The following UBAP1 variants were observed in gnomAD, a reference collection of about 807,000 sequenced individuals.
UBAP1 encodes ubiquitin-associated protein 1.
In UBAP1, 5 loss-of-function variants were observed where a neutral mutation model predicts 39.0. The ratio of observed to expected loss-of-function variants is 0.13; its 90% CI spans 0.07 to 0.27. The LOEUF is 0.27. UBAP1 is among the 10% of genes least tolerant of loss of function. UBAP1 has a pLI of 1.00. For missense variants in UBAP1, 490 were observed against 608.1 expected (o/e 0.81, Z 2.04); for synonymous variants, 211 against 225.1 (o/e 0.94, Z 0.56).
intron 2 of UBAP1, among the ~76,000 whole-genome samples, chr9:34,229,383 G>A (rs1347606142): frequency 2.6e-5 from 4 of 151,430 alleles, no homozygotes; most frequent in African/African-American, 4.9e-5. Context: ...TCAGCCTCCC[G>A]AGTAGCTGGG....
rs1484569883 is a variant in UBAP1 at position 34,249,970 on chromosome 9, T to C, written c.1266+9T>C. 1 of 1,613,432 alleles carries C rather than the reference T, an allele frequency of 6.2e-7. No individual in the cohort carries two copies. Among genetic ancestry groups the C allele is most frequent in the South Asian group, 1.1e-5 (1 of 91,026 alleles). ...GAGAGAATATTGAGCAGGTGAGCGG[T>C]TGGTCAGCCAGGAGGGCAGGCTCAG... On this transcript the variant is annotated intron_variant, in intron 5 of 6. Transcript: ENST00000297661.
chr9:34,180,436 AG>A (rs1019712178), intron 1 of UBAP1, among the ~76,000 whole-genome samples: 2 of 151,712 alleles, frequency 1.3e-5, no homozygotes, highest in African/African-American at 4.8e-5. Context: ...TGAACCTGGG[AG>A]GCGGAGGTAG....
intron 4 of UBAP1, among the ~76,000 whole-genome samples, chr9:34,243,312 A>G (rs1448629888): frequency 6.6e-6 from 1 of 152,192 alleles, no homozygotes; most frequent in Non-Finnish European, 1.5e-5. Flanking sequence ...ATAAACTAAC[A>G]GCAGAGATCT....
Position 34,241,887 on chromosome 9 carries a change from C to T in UBAP1, c.862C>T (p.His288Tyr). ...QKTAKLASTF[H>Y]STSCLRNGTF... is the part of the protein sequence containing the mutation. ...GACAGCCAAGCTGGCGAGCACTTTC[C>T]ATAGCACATCCTGCCTCCGCAATGG... is the stretch of plus-strand genomic sequence containing the variant. Residue 288 changes from histidine (H) to tyrosine (Y), a missense_variant, in exon 4 of 7, where the codon CAT becomes TAT. Physicochemically the swap from His to Tyr is moderately conservative, Grantham distance 83 (BLOSUM62 2). Coordinates refer to ENST00000297661, the MANE Select transcript of UBAP1 (RefSeq NM_016525.5). The T allele has an allele frequency of 6.2e-7, 1 of 1,614,182 alleles. No individual in the cohort carries two copies. The highest frequency in any genetic ancestry group is 8.5e-7 in the Non-Finnish European group (1 of 1,180,040).
At chr9:34,240,255 C>T (rs1249195735) in intron 3 of UBAP1, among the ~76,000 whole-genome samples, 1 of 152,110 alleles carries the variant, frequency 6.6e-6, no homozygotes, top group Non-Finnish European at 1.5e-5. Context: ...TTGTCATGTG[C>T]CTTTCTAGGC....
chr9:34,224,930 T>C (rs1832966332), intron 2 of UBAP1, among the ~76,000 whole-genome samples: 1 of 152,236 alleles, frequency 6.6e-6, no homozygotes, highest in South Asian at 2.1e-4. Flanking sequence ...CTTGGCCTAA[T>C]AGTGTAGAGT....
intron 5 of UBAP1, 122 bp downstream of exon 5, chr9:34,250,083 C>T: frequency 6.6e-6 from 7 of 1,055,394 alleles, no homozygotes; most frequent in Non-Finnish European, 8.2e-6. Context: ...TTTGTGAGGA[C>T]ACGGGGCATG....
At chr9:34,239,393 C>T (rs571596095) in intron 3 of UBAP1, among the ~76,000 whole-genome samples, 1 of 152,312 alleles carries the variant, frequency 6.6e-6, no homozygotes, top group African/African-American at 2.4e-5. Context: ...GTATCTGGTC[C>T]CCTCCGTACC....
At chr9:34,181,456 G>A (rs1587769419) in intron 1 of UBAP1, among the ~76,000 whole-genome samples, 2 of 138,836 alleles carry the variant, frequency 1.4e-5, no homozygotes, top group Admixed American at 1.5e-4. Context: ...TTTTTGAGAC[G>A]GAGTCTCCCT....
chr9:34,187,857 C>G (rs1830490415), intron 1 of UBAP1, among the ~76,000 whole-genome samples: 2 of 150,754 alleles, frequency 1.3e-5, no homozygotes, highest in African/African-American at 4.9e-5. Context: ...CTGTCCAGTT[C>G]CTTGGACTTG....
At chr9:34,190,802 CTTTTTTT>C (rs373942127) in intron 1 of UBAP1, among the ~76,000 whole-genome samples, 1 of 116,648 alleles carries the variant, frequency 8.6e-6, no homozygotes, top group Non-Finnish European at 1.7e-5. Context: ...ATGCCTGGCT[CTTTTTTT>C]TTTTTTTTTT....
intron 1 of UBAP1, among the ~76,000 whole-genome samples, chr9:34,207,863 T>C (rs1831800597): frequency 6.6e-6 from 1 of 152,184 alleles, no homozygotes; most frequent in African/African-American, 2.4e-5. Context: ...TGTCAGTTTT[T>C]GGGTTTTCCT....
intron 1 of UBAP1, among the ~76,000 whole-genome samples, chr9:34,218,188 G>GT (rs1381264936): frequency 7.2e-6 from 1 of 139,592 alleles, no homozygotes; most frequent in Non-Finnish European, 1.5e-5. Flanking sequence ...GGAGGCGGTG[G>GT]TTGCAGTGAG....
chr9:34,184,406 C>T (rs1241739504), intron 1 of UBAP1, among the ~76,000 whole-genome samples: 2 of 150,586 alleles, frequency 1.3e-5, no homozygotes, highest in Non-Finnish European at 3.0e-5. Context: ...CCGAGGCGGG[C>T]GGATCACAAG....
chr9:34,241,756 A>G lies in UBAP1; in HGVS notation c.731A>G (p.Glu244Gly), dbSNP rs1329751411. 5.0e-6 allele frequency: 8 copies of G among 1,614,090 alleles called. No homozygotes were observed. Among genetic ancestry groups the G allele is most frequent in the Non-Finnish European group, 6.8e-6 (8 of 1,179,980 alleles). The change falls in exon 4 of 7, where the codon GAA becomes GGA. Residue 244 changes from glutamate to glycine, a missense_variant. Glu to Gly is a moderately conservative substitution (Grantham distance 98). Coordinates refer to ENST00000297661, the MANE Select transcript of UBAP1 (RefSeq NM_016525.5). Reference sequence around the variant, plus strand: ...ACCTTACCACAGTTGGGCAACTGTGAAAAGATGTCACTGTCTTCCAAAGTG... The same window carrying G: ...ACCTTACCACAGTTGGGCAACTGTGGAAAGATGTCACTGTCTTCCAAAGTG... Reference protein sequence around the residue: ...FITLPQLGNCEKMSLSSKVSL... With the variant: ...FITLPQLGNCGKMSLSSKVSL...
chr9:34,221,999 T>C (rs1369472432), intron 2 of UBAP1, among the ~76,000 whole-genome samples: 2 of 152,144 alleles, frequency 1.3e-5, no homozygotes, highest in Non-Finnish European at 2.9e-5. Context: ...CACAGTGGCA[T>C]GTGCCTGCAG....
chr9:34,219,835 C>T (rs1160791987), intron 1 of UBAP1, among the ~76,000 whole-genome samples: 1 of 26,576 alleles, frequency 3.8e-5, no homozygotes, highest in African/African-American at 1.7e-4. Flanking sequence ...TCTCCCTTCC[C>T]CTTCCCCTCC....
chr9:34,197,214 C>CTGTGCCCG (rs200925973), intron 1 of UBAP1, among the ~76,000 whole-genome samples: 4,977 of 152,190 alleles, frequency 0.033, 197 homozygotes, highest in East Asian at 0.15. Flanking sequence ...ATGTGAGCCA[C>CTGTGCCCG]TGTGCCCGGC....
At chr9:34,208,452 A>T (rs1251181139) in intron 1 of UBAP1, among the ~76,000 whole-genome samples, 1 of 149,928 alleles carries the variant, frequency 6.7e-6, no homozygotes, top group Non-Finnish European at 1.5e-5. Context: ...AGACCATCCT[A>T]GCCACCATGG....
Sources: gnomAD v4.1 joint callset for allele counts (sites outside exome capture counted in the v4.1 genomes callset) on GRCh38, gnomAD v4.1.1 for gene constraint, MANE v1.5 for transcripts, NCBI Gene and HGNC (gene_info 2026-07-23, HGNC 2026-07-21) for gene names.